Variants in AFF3 observed in about 807,000 individuals in gnomAD.
AFF3 encodes the protein AF4/FMR2 family member 3.
In AFF3, 32 loss-of-function variants were observed where a neutral mutation model predicts 129.7. That is an observed-to-expected ratio of 0.25 (90% CI 0.19 to 0.33). AFF3 has a LOEUF of 0.33. Among genes scored for constraint, AFF3 ranks in the 10% least tolerant of loss-of-function variants. The probability of loss-of-function intolerance (pLI) is 1.00; values close to 1 mark genes in which losing one functional copy is unlikely to be tolerated. For missense variants in AFF3, 1,373 were observed against 1,592.0 expected (o/e 0.86, Z 2.34); for synonymous variants, 644 against 635.4 (o/e 1.01, Z -0.20).
At chr2:99,897,115 C>A (rs571664334) in intron 7 of AFF3, among the ~76,000 whole-genome samples, 128 of 152,086 alleles carry the variant, frequency 8.4e-4, no homozygotes, top group African/African-American at 3.0e-3. Context: ...ACTTTATCTA[C>A]TAAAGTTAAG....
intron 7 of AFF3, among the ~76,000 whole-genome samples, chr2:99,905,800 T>A (rs1312094613): frequency 6.6e-6 from 1 of 152,186 alleles, no homozygotes; most frequent in African/African-American, 2.4e-5. Context: ...CATTAGGAAT[T>A]CAGTTGGTAC....
rs562002073 is a variant in AFF3, at chr2:99,837,642, G to C, written c.874-118C>G. The C allele has an allele frequency of 2.7e-5, 23 of 850,356 alleles. No individual in the cohort carries two copies. The African/African-American group carries it at 3.7e-4, about 14-fold the overall frequency. The allele number at this position is 850,356 out of a possible 1,614,324, so 52.7% of individuals were successfully genotyped here. ...AAAAATTCAGCGAGTTACAGGTTGA[G>C]GGGATGCCTGACCTGGGACTGGCAG... On this transcript the variant is annotated intron_variant, in intron 7 of 24. Transcript: ENST00000672756.
intron 7 of AFF3, among the ~76,000 whole-genome samples, chr2:99,874,670 C>A (rs1162503620): frequency 2.0e-5 from 3 of 151,824 alleles, no homozygotes; most frequent in African/African-American, 7.3e-5. Context: ...GATCACAGGG[C>A]AGAAGGTTGG....
At chr2:99,593,114 G>A in intron 15 of AFF3, 81 bp downstream of exon 15, 1 of 1,472,720 alleles carries the variant, frequency 6.8e-7, no homozygotes, top group South Asian at 1.4e-5. Context: ...CAGCCTATGG[G>A]TGCTCTATCC....
intron 8 of AFF3, among the ~76,000 whole-genome samples, chr2:99,764,872 A>C (rs532685844): frequency 6.6e-6 from 1 of 152,260 alleles, no homozygotes; most frequent in Admixed American, 6.5e-5. Context: ...CATGATGAGA[A>C]GCAATAATTG....
chr2:99,589,935 T>C (rs1355295281), intron 15 of AFF3, among the ~76,000 whole-genome samples: 1 of 152,238 alleles, frequency 6.6e-6, no homozygotes, highest in Non-Finnish European at 1.5e-5. Context: ...GTATTTGCTA[T>C]ACACACTGTA....
At chr2:100,036,277 A>G (rs1684902873) in intron 4 of AFF3, among the ~76,000 whole-genome samples, 1 of 151,648 alleles carries the variant, frequency 6.6e-6, no homozygotes, top group African/African-American at 2.4e-5. Flanking sequence ...AGGTCCTTCT[A>G]CTTAATAATC....
intron 4 of AFF3, among the ~76,000 whole-genome samples, chr2:100,026,848 T>C (rs1684090429): frequency 6.6e-6 from 1 of 151,294 alleles, no homozygotes; most frequent in African/African-American, 2.4e-5. Flanking sequence ...TCAAACACCA[T>C]ATGTTCTCAC....
intron 7 of AFF3, among the ~76,000 whole-genome samples, chr2:99,931,870 T>C (rs551348064): frequency 6.6e-5 from 10 of 152,232 alleles, no homozygotes; most frequent in South Asian, 4.2e-4. Flanking sequence ...AATGGTGCCA[T>C]TGCACTCCAG....
At chr2:99,977,782 T>C (rs1045145336) in intron 7 of AFF3, among the ~76,000 whole-genome samples, 2 of 146,314 alleles carry the variant, frequency 1.4e-5, no homozygotes, top group Non-Finnish European at 3.0e-5. Flanking sequence ...ATCTCACCTG[T>C]TGTGGCCTTA....
chr2:99,656,500 A>G (rs1386883792), intron 12 of AFF3, among the ~76,000 whole-genome samples: 1 of 152,234 alleles, frequency 6.6e-6, no homozygotes, highest in Admixed American at 6.5e-5. Flanking sequence ...AGCACACTGT[A>G]AAATTTAGAC....
intron 7 of AFF3, among the ~76,000 whole-genome samples, chr2:99,877,288 T>A (rs920318421): frequency 6.6e-6 from 1 of 151,884 alleles, no homozygotes; most frequent in Non-Finnish European, 1.5e-5. Flanking sequence ...GAGGGGGAGA[T>A]GTAATCGGTA....
chr2:99,586,771 G>A (rs1678162016), intron 16 of AFF3, among the ~76,000 whole-genome samples: 2 of 152,196 alleles, frequency 1.3e-5, no homozygotes, highest in Non-Finnish European at 2.9e-5. Flanking sequence ...TACACATGGA[G>A]ATTCAGCTTG....
intron 2 of AFF3, chr2:100,105,793 C>T: frequency 7.4e-7 from 1 of 1,354,320 alleles, no homozygotes; most frequent in Non-Finnish European, 9.8e-7. Flanking sequence ...TTGGCCACAG[C>T]TCCGGATTCT....
At chr2:99,961,165 C>T (rs1453291382) in intron 7 of AFF3, among the ~76,000 whole-genome samples, 1 of 152,134 alleles carries the variant, frequency 6.6e-6, no homozygotes, top group Admixed American at 6.5e-5. Context: ...CTAACATCTC[C>T]CCACCTTGCC....
intron 4 of AFF3, among the ~76,000 whole-genome samples, chr2:100,076,262 G>A (rs1340216838): frequency 6.6e-6 from 1 of 152,090 alleles, no homozygotes; most frequent in Non-Finnish European, 1.5e-5. Context: ...CTAATGCAGT[G>A]ACAATTAAAA....
intron 4 of AFF3, among the ~76,000 whole-genome samples, chr2:100,055,916 A>C (rs1224688720): frequency 6.6e-6 from 1 of 152,090 alleles, no homozygotes; most frequent in African/African-American, 2.4e-5. Flanking sequence ...TCACACCTGT[A>C]ATCCCAGAGC....
At chr2:99,800,995 A>G (rs1685899127) in intron 8 of AFF3, among the ~76,000 whole-genome samples, 1 of 152,176 alleles carries the variant, frequency 6.6e-6, no homozygotes, top group Non-Finnish European at 1.5e-5. Context: ...TGATGGATAC[A>G]TTCATTATCT....
chr2:99,840,282 T>C (rs1389314090), intron 7 of AFF3, among the ~76,000 whole-genome samples: 2 of 152,238 alleles, frequency 1.3e-5, no homozygotes, highest in Non-Finnish European at 2.9e-5. Flanking sequence ...GTTTGTTTTC[T>C]TTCAAGAGTT....
Sources: gnomAD v4.1 joint callset for allele counts (sites outside exome capture counted in the v4.1 genomes callset) on GRCh38, gnomAD v4.1.1 for gene constraint, MANE v1.5 for transcripts, NCBI Gene and HGNC (gene_info 2026-07-23, HGNC 2026-07-21) for gene names.